The following TMPO variants were observed in gnomAD, a reference collection of about 807,000 sequenced individuals.
TMPO encodes LEM domain containing 4.
TMPO carries 22 observed loss-of-function variants against 45.4 expected under a neutral mutation model. That is an observed-to-expected ratio of 0.48 (90% CI 0.35 to 0.69). TMPO has a LOEUF of 0.69. Among genes scored for constraint, TMPO ranks in the 30% least tolerant of loss-of-function variants. The pLI is 0.01. For missense variants in TMPO, 512 were observed against 548.8 expected, an observed-to-expected ratio of 0.93 and a Z score of 0.67; for synonymous variants, 241 against 204.1, an observed-to-expected ratio of 1.18 and a Z score of -1.54.
chr12:98,545,534 A>G (rs1878180052), intron 7 of TMPO, among the ~76,000 whole-genome samples: 1 of 152,174 alleles, frequency 6.6e-6, no homozygotes, highest in Non-Finnish European at 1.5e-5. Context: ...AATCTTTACA[A>G]AAGGAGCCGA....
intron 7 of TMPO, among the ~76,000 whole-genome samples, 174 bp from the exon 8 acceptor site, chr12:98,546,185 A>G (rs1373129325): frequency 6.6e-6 from 1 of 152,232 alleles, no homozygotes; most frequent in Non-Finnish European, 1.5e-5. Context: ...AGAAATTTGA[A>G]GAGAGCCTTG....
intron 7 of TMPO, 55 bp from the exon 8 acceptor site, chr12:98,546,304 G>C (rs1878224025): frequency 3.5e-6 from 4 of 1,134,784 alleles, no homozygotes; most frequent in Non-Finnish European, 5.4e-6. Context: ...TTTAATTATT[G>C]CATGTTTACA....
chr12:98,515,933 C>A lies in TMPO; in HGVS notation c.66C>A (p.Ala22=). The change falls in exon 1 of 9, where the codon GCC becomes GCA. Residue 22 remains alanine (A), a synonymous_variant. Transcript: ENST00000556029. ...ACAAGTTGAAGAGTGAGTTGGTCGC[C>A]AACAATGTGACGCTGCCGGCCGGGG... is the stretch of plus-strand genomic sequence containing the variant. The part of the protein sequence containing the change: ...TKDKLKSELV[A]NNVTLPAGEQ... The A allele has an allele frequency of 6.2e-7, 1 of 1,613,694 alleles. No individual in the cohort carries two copies. The highest frequency in any genetic ancestry group is 8.5e-7 in the Non-Finnish European group (1 of 1,179,858).
chr12:98,534,388 T>C (rs2121212086), intron 3 of TMPO: 1 of 1,604,718 alleles, frequency 6.2e-7, no homozygotes. Context: ...TCAGGTACTT[T>C]ATGCCAACAT....
At chr12:98,544,590 A>G in intron 6 of TMPO, 53 bp downstream of exon 6, 2 of 1,440,418 alleles carry the variant, frequency 1.4e-6, no homozygotes, top group Non-Finnish European at 1.9e-6. Flanking sequence ...ATTACCCTTT[A>G]ATTGGAAATG....
At chr12:98,522,901 A>G (rs1441949273) in intron 1 of TMPO, among the ~76,000 whole-genome samples, 1 of 152,230 alleles carries the variant, frequency 6.6e-6, no homozygotes, top group Non-Finnish European at 1.5e-5. Context: ...GTAATACATA[A>G]TAAGTGCCCA....
At chr12:98,532,423 G>C (rs760840022) in intron 3 of TMPO, among the ~76,000 whole-genome samples, 1 of 152,122 alleles carries the variant, frequency 6.6e-6, no homozygotes, top group South Asian at 2.1e-4. Context: ...CTATTGATAG[G>C]CATTTAAATT....
chr12:98,533,183 C>T, intron 3 of TMPO: 1 of 1,614,064 alleles, frequency 6.2e-7, no homozygotes, highest in Non-Finnish European at 8.5e-7. Context: ...TCTACTGCAG[C>T]TTCTCCTTCA....
rs1310787846 is a variant in TMPO at position 98,528,020 on chromosome 12, G to A, written c.406+8G>A. The A allele has an allele frequency of 6.2e-7, 1 of 1,613,748 alleles. No individual in the cohort carries two copies. Among genetic ancestry groups the A allele is most frequent in the Non-Finnish European group, 8.5e-7 (1 of 1,179,832 alleles). On this transcript the variant is annotated splice_region_variant and intron_variant, in intron 2 of 8. Transcript: ENST00000556029. ...ATCCTGGTCCTATTGTGGGTAAGTT[G>A]ATAAAATTTCAAATACAGTATCTTT...
intron 1 of TMPO, 130 bp from the exon 2 acceptor site, chr12:98,527,756 G>A: frequency 1.0e-6 from 1 of 977,922 alleles, no homozygotes; most frequent in South Asian, 1.4e-5. Flanking sequence ...TAATTTAATG[G>A]AATTGCTAAG....
intron 1 of TMPO, among the ~76,000 whole-genome samples, chr12:98,527,355 A>C (rs1196307187): frequency 6.6e-6 from 1 of 150,704 alleles, no homozygotes; most frequent in Admixed American, 6.6e-5. Flanking sequence ...AAAAAACAAA[A>C]AAAAAAAACC....
In TMPO at chr12:98,533,361, A is replaced by C. The variant is rs1377481616; in HGVS notation, c.565+1523A>C. 6.8e-6 allele frequency: 11 copies of C among 1,614,066 alleles called. No individual in the cohort carries two copies. Among genetic ancestry groups the C allele is most frequent in the Non-Finnish European group, 8.5e-6 (10 of 1,180,050 alleles). On this transcript the variant is annotated intron_variant, in intron 3 of 8. Coordinates refer to ENST00000556029, the MANE Select transcript of TMPO (RefSeq NM_001032283.3). ...TAGAAGAGTCTGAGAGCTCACAACT[A>C]ATTTCTCCGCCACTTGCCCAGGCAA...
chr12:98,530,451 A>G (rs559081900), intron 2 of TMPO, among the ~76,000 whole-genome samples: 311 of 152,372 alleles, frequency 2.0e-3, no homozygotes, highest in Non-Finnish European at 3.5e-3. Flanking sequence ...CTATTTATAT[A>G]ACATTTCTGG....
chr12:98,531,851 A>G lies in TMPO; in HGVS notation c.565+13A>G. ...GACAATGAAGAAGGTAAAATTTTAA[A>G]TGATGTTAATCAAATGTATGGAATT... On this transcript the variant is annotated intron_variant, in intron 3 of 8. Transcript: ENST00000556029. 1.2e-6 allele frequency: 2 copies of G among 1,607,276 alleles called. No homozygotes were observed. The highest frequency in any genetic ancestry group is 1.7e-6 in the Non-Finnish European group (2 of 1,175,894).
chr12:98,544,625 C>A (rs1878110996), intron 6 of TMPO, 88 bp downstream of exon 6: 3 of 1,051,494 alleles, frequency 2.9e-6, no homozygotes, highest in African/African-American at 1.8e-5. Flanking sequence ...TTTGGCAAAT[C>A]TCAAATTTAC....
intron 2 of TMPO, among the ~76,000 whole-genome samples, chr12:98,529,424 C>G (rs1283607396): frequency 1.3e-5 from 2 of 152,010 alleles, no homozygotes; most frequent in African/African-American, 2.4e-5. Flanking sequence ...GAATTATACC[C>G]TTAAAAAACA....
chr12:98,526,328 T>C (rs73382588), intron 1 of TMPO, among the ~76,000 whole-genome samples: 19,834 of 152,110 alleles, frequency 0.13, 2,182 homozygotes, highest in African/African-American at 0.3. Context: ...GGGGTGGAGA[T>C]TGGTTCCAGG....
At chr12:98,533,401 A>G (rs763742131) in intron 3 of TMPO, 1 of 1,614,202 alleles carries the variant, frequency 6.2e-7, no homozygotes, top group East Asian at 2.2e-5. Context: ...AGATTATGTC[A>G]ATTCTCTGTT....
In TMPO at chr12:98,515,608, C is replaced by T. The variant is rs1875711035; in HGVS notation, c.-260C>T. On this transcript the variant is annotated 5_prime_UTR_variant, in exon 1 of 9. Transcript: ENST00000556029. ...CGTGGGCGAAGCAGGCTGCTCGCCT[C>T]CTGCCTGTAGTGTGTGGGCTGGGGT... The T allele has an allele frequency of 5.0e-6, 3 of 600,556 alleles. No homozygotes were observed. Among genetic ancestry groups the T allele is most frequent in the African/African-American group, 1.9e-5 (1 of 52,480 alleles). The allele number at this position is 600,556 out of a possible 1,614,324, so 37.2% of individuals were successfully genotyped here. A position where few individuals can be genotyped will look rare whatever the true frequency, so the allele number is the denominator to read the frequency against.
Sources: gnomAD v4.1 joint callset for allele counts (sites outside exome capture counted in the v4.1 genomes callset) on GRCh38, gnomAD v4.1.1 for gene constraint, MANE v1.5 for transcripts, NCBI Gene and HGNC (gene_info 2026-07-23, HGNC 2026-07-21) for gene names.